The following ZNF536 variants were observed in gnomAD, a reference collection of about 807,000 sequenced individuals.
The protein encoded by ZNF536 is zinc finger protein 536.
Under a neutral mutation model 84.5 loss-of-function variants are expected in ZNF536, and 13 were observed. The ratio of observed to expected loss-of-function variants is 0.15; its 90% CI spans 0.10 to 0.24. The LOEUF is 0.24. ZNF536 is among the 10% of genes least tolerant of loss of function. The pLI, the probability that ZNF536 is intolerant of heterozygous loss-of-function variation, is 1.00. For synonymous variants in ZNF536, 811 were observed against 742.5 expected, an observed-to-expected ratio of 1.09 and a Z score of -1.50; for missense variants, 1,536 against 1,747.5, an observed-to-expected ratio of 0.88 and a Z score of 2.16.
intron 2 of ZNF536, among the ~76,000 whole-genome samples, chr19:30,493,759 G>A (rs968915869): frequency 5.9e-5 from 9 of 152,064 alleles, no homozygotes; most frequent in Admixed American, 4.6e-4. Context: ...TCCACTTAGG[G>A]GCTGTTCCTC....
rs1231169963 is a variant in ZNF536, at chr19:30,379,469, A to G, written c.-3+6913A>G. Among the ~76,000 whole-genome samples, 9 of 151,868 alleles carry G rather than the reference A, an allele frequency of 5.9e-5. No individual in the cohort carries two copies. In the East Asian group the frequency reaches 1.6e-3, roughly 26 times the overall value. ...CCAGTGCGTCATGGGGGTGTGTTGA[A>G]TGCTTTCTGTGGGGTTGATTCCTGT... On this transcript the variant is annotated intron_variant, in intron 1 of 4. Coordinates refer to ENST00000355537, the MANE Select transcript of ZNF536 (RefSeq NM_014717.3).
chr19:30,578,603 C>T (rs1055837974), intron 1 of ZNF536, among the ~76,000 whole-genome samples: 2 of 152,214 alleles, frequency 1.3e-5, no homozygotes, highest in African/African-American at 4.8e-5. Flanking sequence ...TTGGGCACTG[C>T]TCATGCAATG....
intron 1 of ZNF536, among the ~76,000 whole-genome samples, chr19:30,267,589 A>G (rs1426669677): frequency 6.6e-6 from 1 of 152,060 alleles, no homozygotes; most frequent in African/African-American, 2.4e-5. Context: ...AGGAGGGGCC[A>G]ACTCCTTCTC....
chr19:30,494,059 G>A (rs1441032671), intron 2 of ZNF536, among the ~76,000 whole-genome samples: 1 of 152,056 alleles, frequency 6.6e-6, no homozygotes, highest in Non-Finnish European at 1.5e-5. Context: ...CTCTCATTCA[G>A]CTATTTTACT....
chr19:30,635,813 T>C (rs1172444433), intron 1 of ZNF536, among the ~76,000 whole-genome samples: 1 of 152,240 alleles, frequency 6.6e-6, no homozygotes, highest in Non-Finnish European at 1.5e-5. Context: ...ACGCTGCCTC[T>C]TGGATGGGGT....
chr19:30,473,867 A>G (rs569504114), intron 2 of ZNF536, among the ~76,000 whole-genome samples: 176 of 152,328 alleles, frequency 1.2e-3, no homozygotes, highest in African/African-American at 4.0e-3. Flanking sequence ...CAAACTGACC[A>G]GGGTCCAGAT....
At position 30,481,203 on chromosome 19, in the gene ZNF536, CAATT is replaced by C. The variant is rs964776994; in HGVS notation, c.2170+35475_2170+35478del. On this transcript the variant is annotated intron_variant, in intron 2 of 4. Coordinates refer to ENST00000355537, the MANE Select transcript of ZNF536 (RefSeq NM_014717.3). ...TCCATGTTTTATTCAAATCATCAAT[CAATT>C]AATCTATTCACTTAACACATCTATG... Among the ~76,000 whole-genome samples the C allele has an allele frequency of 7.2e-5, 11 of 152,274 alleles. No homozygotes were observed. The East Asian group carries it at 7.7e-4, about 11-fold the overall frequency.
chr19:30,315,210 T>C (rs2046639209), intron 2 of ZNF536, among the ~76,000 whole-genome samples: 1 of 152,206 alleles, frequency 6.6e-6, no homozygotes, highest in African/African-American at 2.4e-5. Context: ...ATGGGGAGAA[T>C]GAAGAGGCAT....
downstream of ZNF536, among the ~76,000 whole-genome samples, chr19:30,562,391 G>T (rs1000908726): frequency 5.3e-5 from 8 of 152,266 alleles, no homozygotes; most frequent in African/African-American, 9.6e-5. Context: ...TTATCCTGAA[G>T]ATATTTCTGT....
chr19:30,704,505 G>A (rs935229208), intron 1 of ZNF536, among the ~76,000 whole-genome samples: 2 of 152,072 alleles, frequency 1.3e-5, no homozygotes, highest in Admixed American at 1.3e-4. Context: ...AAATTACCCG[G>A]GCATGGTAGC....
rs149223384 is a variant in ZNF536, at chr19:30,432,006, T to TATATATATAC, written c.-2-11554_-2-11553insTATATATACA. On this transcript the variant is annotated intron_variant, in intron 1 of 4. Coordinates refer to ENST00000355537, the MANE Select transcript of ZNF536 (RefSeq NM_014717.3). ...TTCATTAAAAGCATATATATATATA[T>TATATATATAC]ACACACACACATACACACACACACA... Among the ~76,000 whole-genome samples the TATATATATAC allele has an allele frequency of 9.2e-4, 135 of 146,056 alleles. 2 individuals are homozygous for TATATATATAC. Among genetic ancestry groups the TATATATATAC allele is most frequent in the African/African-American group, 2.4e-3 (95 of 39,064 alleles).
At chr19:30,590,290 A>G (rs1244313574) in intron 1 of ZNF536, among the ~76,000 whole-genome samples, 1 of 152,228 alleles carries the variant, frequency 6.6e-6, no homozygotes, top group Non-Finnish European at 1.5e-5. Flanking sequence ...TTGTCCTCAC[A>G]TTCTGGCTGA....
At chr19:30,626,936 G>A (rs1475646754) in intron 1 of ZNF536, among the ~76,000 whole-genome samples, 1 of 152,178 alleles carries the variant, frequency 6.6e-6, no homozygotes, top group Non-Finnish European at 1.5e-5. Flanking sequence ...AATTGGGGTT[G>A]TGGATATTTT....
intron 1 of ZNF536, among the ~76,000 whole-genome samples, chr19:30,709,108 C>T (rs958540685): frequency 3.9e-5 from 6 of 152,062 alleles, no homozygotes; most frequent in Non-Finnish European, 5.9e-5. Flanking sequence ...ACCAGTTCCT[C>T]GAGATGGTAG....
chr19:30,521,632 G>T (rs1312394859), intron 2 of ZNF536, among the ~76,000 whole-genome samples: 1 of 152,088 alleles, frequency 6.6e-6, no homozygotes, highest in African/African-American at 2.4e-5. Context: ...GTGAATATTG[G>T]CTGGACACCG....
At chr19:30,654,501 C>A (rs1162396199) in intron 1 of ZNF536, among the ~76,000 whole-genome samples, 1 of 151,868 alleles carries the variant, frequency 6.6e-6, no homozygotes, top group Non-Finnish European at 1.5e-5. Flanking sequence ...AGTCAACATT[C>A]GTGGTTCCTA....
At chr19:30,233,517 A>T (rs926793711) in intron 1 of ZNF536, among the ~76,000 whole-genome samples, 3 of 142,372 alleles carry the variant, frequency 2.1e-5, no homozygotes, top group East Asian at 2.0e-4. Context: ...AGTTTTTAAC[A>T]TTTTTTTTTT....
At chr19:30,263,877 CACAT>C (rs1232597611) in intron 1 of ZNF536, among the ~76,000 whole-genome samples, 1 of 117,750 alleles carries the variant, frequency 8.5e-6, no homozygotes, top group Non-Finnish European at 1.7e-5. Context: ...CACACACACA[CACAT>C]ACACACACAC....
At chr19:30,394,461 A>G (rs1016579961) in intron 1 of ZNF536, among the ~76,000 whole-genome samples, 1 of 151,832 alleles carries the variant, frequency 6.6e-6, no homozygotes, top group Non-Finnish European at 1.5e-5. Context: ...CTACCCTCCT[A>G]CCCCACAACA....
Sources: gnomAD v4.1 joint callset for allele counts (sites outside exome capture counted in the v4.1 genomes callset) on GRCh38, gnomAD v4.1.1 for gene constraint, MANE v1.5 for transcripts, NCBI Gene and HGNC (gene_info 2026-07-23, HGNC 2026-07-21) for gene names.